MAGI2: variants seen among roughly 807,000 people sequenced by gnomAD.
MAGI2 encodes membrane associated guanylate kinase, WW and PDZ domain containing 2, also known as membrane-associated guanylate kinase, WW and PDZ domain-containing protein 2.
MAGI2 carries 35 observed loss-of-function variants against 133.3 expected under a neutral mutation model. The ratio of observed to expected loss-of-function variants is 0.26; its 90% CI spans 0.20 to 0.35. The LOEUF (loss-of-function observed/expected upper bound fraction) is 0.35. Among genes scored for constraint, MAGI2 ranks in the 10% least tolerant of loss-of-function variants. The pLI is 1.00. For synonymous variants in MAGI2, 729 were observed against 710.6 expected, an observed-to-expected ratio of 1.03 and a Z score of -0.41; for missense variants, 1,636 against 1,863.4, an observed-to-expected ratio of 0.88 and a Z score of 2.25.
chr7:78,465,581 T>C (rs112035191), intron 6 of MAGI2, among the ~76,000 whole-genome samples: 7,814 of 152,252 alleles, frequency 0.051, 260 homozygotes, highest in East Asian at 0.089. Flanking sequence ...CTTTAAGTTA[T>C]TTTGCCCAAA....
intron 1 of MAGI2, among the ~76,000 whole-genome samples, chr7:79,451,051 G>T (rs1311015541): frequency 6.6e-6 from 1 of 152,048 alleles, no homozygotes. Flanking sequence ...TCTTTCCACG[G>T]CATTTCATAG....
chr7:78,393,358 G>A (rs1289445689), intron 6 of MAGI2, among the ~76,000 whole-genome samples: 1 of 152,214 alleles, frequency 6.6e-6, no homozygotes, highest in Non-Finnish European at 1.5e-5. Context: ...TCTAGTGGCA[G>A]CAGAGACTGC....
At chr7:78,901,340 AAT>A (rs1489454725) in intron 2 of MAGI2, 1 of 152,246 alleles carries the variant, frequency 6.6e-6, no homozygotes, top group Non-Finnish European at 1.5e-5. Context: ...CAGAGAGCTC[AAT>A]ATATGAAATG....
intron 1 of MAGI2, among the ~76,000 whole-genome samples, chr7:79,169,929 CAATT>C (rs1246535291): frequency 2.0e-5 from 3 of 151,758 alleles, no homozygotes; most frequent in Non-Finnish European, 2.9e-5. Flanking sequence ...AAATACTCAT[CAATT>C]GTCTCTACTC....
At chr7:79,449,504 T>C (rs913231726) in intron 1 of MAGI2, among the ~76,000 whole-genome samples, 9 of 152,008 alleles carry the variant, frequency 5.9e-5, no homozygotes, top group African/African-American at 2.2e-4. Flanking sequence ...CTGGCTGCTG[T>C]GAACTTTAGT....
chr7:79,014,336 A>T (rs1311599487), intron 1 of MAGI2, among the ~76,000 whole-genome samples: 2 of 152,282 alleles, frequency 1.3e-5, no homozygotes, highest in African/African-American at 4.8e-5. Flanking sequence ...AGAGAAAATG[A>T]GTTCTCAGTA....
At chr7:78,938,398 G>C (rs1401700927) in intron 2 of MAGI2, among the ~76,000 whole-genome samples, 1 of 152,016 alleles carries the variant, frequency 6.6e-6, no homozygotes, top group South Asian at 2.1e-4. Flanking sequence ...AAAAAAATTA[G>C]GATTCAGAAT....
At chr7:78,738,237 G>T (rs1025563409) in intron 2 of MAGI2, among the ~76,000 whole-genome samples, 9 of 152,042 alleles carry the variant, frequency 5.9e-5, no homozygotes, top group Non-Finnish European at 1.3e-4. Context: ...GAAAGACTGG[G>T]GATGTAGTAT....
intron 3 of MAGI2, among the ~76,000 whole-genome samples, chr7:78,557,419 G>A (rs992870689): frequency 3.3e-5 from 5 of 152,274 alleles, no homozygotes; most frequent in African/African-American, 4.8e-5. Context: ...ACAAAAGGCT[G>A]CCTTTCTTCC....
intron 16 of MAGI2, among the ~76,000 whole-genome samples, chr7:78,154,362 C>T (rs1363785292): frequency 6.6e-6 from 1 of 152,194 alleles, no homozygotes; most frequent in African/African-American, 2.4e-5. Context: ...ATTTTCAGCA[C>T]CAGTCCTGAG....
chr7:79,033,386 G>A (rs1485777927), intron 1 of MAGI2, among the ~76,000 whole-genome samples: 2 of 152,020 alleles, frequency 1.3e-5, no homozygotes, highest in Non-Finnish European at 2.9e-5. Context: ...CTTTTTGTTT[G>A]TTTTCTTTGA....
intron 1 of MAGI2, among the ~76,000 whole-genome samples, chr7:79,216,654 A>G (rs1345769004): frequency 6.6e-6 from 1 of 152,026 alleles, no homozygotes; most frequent in African/African-American, 2.4e-5. Context: ...CAGCAGCCAA[A>G]CAGATGAGCC....
chr7:78,162,316 G>A (rs1314844505), intron 15 of MAGI2, among the ~76,000 whole-genome samples: 2 of 149,684 alleles, frequency 1.3e-5, no homozygotes, highest in Non-Finnish European at 3.0e-5. Flanking sequence ...ACGAGGTCAG[G>A]AGATCGAGAC....
At chr7:79,145,673 G>C (rs886819342) in intron 1 of MAGI2, among the ~76,000 whole-genome samples, 1 of 152,152 alleles carries the variant, frequency 6.6e-6, no homozygotes, top group East Asian at 1.9e-4. Flanking sequence ...AGCCTACAGA[G>C]CATCTGGCTT....
chr7:78,559,971 GAATA>G (rs963435725), intron 3 of MAGI2, among the ~76,000 whole-genome samples: 6 of 151,970 alleles, frequency 3.9e-5, no homozygotes, highest in Admixed American at 1.3e-4. Flanking sequence ...AGTAGAGAAA[GAATA>G]AATAAAGGTA....
chr7:78,513,964 T>A (rs1795820977), intron 4 of MAGI2, among the ~76,000 whole-genome samples: 2 of 151,796 alleles, frequency 1.3e-5, no homozygotes, highest in Admixed American at 1.3e-4. Flanking sequence ...GGCACATGCC[T>A]GTAATCCCAG....
intron 2 of MAGI2, among the ~76,000 whole-genome samples, chr7:78,901,672 CTT>C (rs35417082): frequency 1.9e-4 from 29 of 149,558 alleles, no homozygotes; most frequent in Non-Finnish European, 2.2e-4. Context: ...ATGAAATATA[CTT>C]TTTTTTTTTT....
intron 1 of MAGI2, among the ~76,000 whole-genome samples, chr7:79,140,379 C>T (rs1402457692): frequency 6.6e-6 from 1 of 152,146 alleles, no homozygotes; most frequent in Non-Finnish European, 1.5e-5. Context: ...ACAAGCTCCT[C>T]AAAAGAATAT....
chr7:79,043,542 C>CAAA (rs58828466), intron 1 of MAGI2, among the ~76,000 whole-genome samples: 980 of 39,442 alleles, frequency 0.025, 3 homozygotes, highest in Middle Eastern at 0.031. Context: ...GACTCCATCA[C>CAAA]AAAAAAAAAA....
Sources: allele counts gnomAD v4.1 joint callset (sites outside exome capture counted in the v4.1 genomes callset), GRCh38; gene constraint gnomAD v4.1.1; transcripts MANE v1.5; gene names NCBI Gene and HGNC (gene_info 2026-07-23, HGNC 2026-07-21).